Variants in KCNQ5 observed in about 807,000 individuals in gnomAD.
The protein encoded by KCNQ5 is potassium voltage-gated channel subfamily KQT member 5.
Under a neutral mutation model 98.2 loss-of-function variants are expected in KCNQ5, and 30 were observed. The ratio of observed to expected loss-of-function variants is 0.31; its 90% confidence interval spans 0.23 to 0.41. The LOEUF is 0.41. Ranked by LOEUF, KCNQ5 falls within the 10% of genes least tolerant of loss-of-function variation. The pLI is 1.00. For missense variants in KCNQ5, 835 were observed against 1,182.5 expected (o/e 0.71, Z 4.31); for synonymous variants, 458 against 449.4 (o/e 1.02, Z -0.24).
rs117913117 is a variant in KCNQ5 at position 73,191,710 on chromosome 6, G to A, written c.1710-855G>A. On this transcript the variant is annotated intron_variant, in intron 12 of 13. Transcript: ENST00000370398. ...CAGGTAATTATTGAGCCCATCATGT[G>A]TGCCAGGACCTGTGGACATCCAGAG... Among the ~76,000 whole-genome samples, 157 of 152,266 alleles carry A rather than the reference G, an allele frequency of 1.0e-3. 1 individual carries two copies. Among genetic ancestry groups the A allele is most frequent in the Non-Finnish European group, 1.4e-3 (96 of 68,016 alleles).
intron 2 of KCNQ5, among the ~76,000 whole-genome samples, chr6:73,026,729 A>G (rs1770906797): frequency 1.3e-5 from 2 of 152,128 alleles, no homozygotes; most frequent in African/African-American, 2.4e-5. Flanking sequence ...GGCTTATTTT[A>G]TTTAACAGAG....
chr6:72,839,241 A>C (rs1776677277), intron 1 of KCNQ5, among the ~76,000 whole-genome samples: 1 of 152,180 alleles, frequency 6.6e-6, no homozygotes, highest in Non-Finnish European at 1.5e-5. Context: ...TTTGCTTGGA[A>C]ATTGTCTTGG....
chr6:72,980,684 G>T (rs564936682), intron 1 of KCNQ5, among the ~76,000 whole-genome samples: 10 of 152,088 alleles, frequency 6.6e-5, no homozygotes, highest in Admixed American at 3.3e-4. Flanking sequence ...TTGCCTGATT[G>T]CCCTGGCCAG....
intron 2 of KCNQ5, among the ~76,000 whole-genome samples, chr6:73,041,437 C>T (rs575435963): frequency 1.8e-4 from 27 of 152,248 alleles, no homozygotes; most frequent in African/African-American, 2.2e-4. Context: ...GACACTGTAA[C>T]GAAAGAATTC....
At chr6:73,121,666 T>A (rs4084853) in intron 8 of KCNQ5, among the ~76,000 whole-genome samples, 3 of 152,194 alleles carry the variant, frequency 2.0e-5, no homozygotes, top group Admixed American at 6.5e-5. Flanking sequence ...CCACCTGTTC[T>A]TACTGATCTT....
chr6:72,853,937 T>C (rs1469093724), intron 1 of KCNQ5, among the ~76,000 whole-genome samples: 1 of 152,200 alleles, frequency 6.6e-6, no homozygotes, highest in East Asian at 1.9e-4. Context: ...CTTAAAGGTA[T>C]ATTTATGACT....
rs772060434 is a variant in KCNQ5, at chr6:73,179,534, G to A, written c.1577+9680G>A. Among the ~76,000 whole-genome samples the A allele has an allele frequency of 5.3e-5, 8 of 152,044 alleles. No individual in the cohort carries two copies. In the South Asian group the frequency reaches 6.2e-4, roughly 12 times the overall value. On this transcript the variant is annotated intron_variant, in intron 11 of 13. Coordinates refer to ENST00000370398, the MANE Select transcript of KCNQ5 (RefSeq NM_019842.4). Reference sequence around the variant, plus strand: ...GGCATAAAATTTCAACATGAATTTCGGAGGGGGCATTCAAACCATAACAGA... The same window carrying A: ...GGCATAAAATTTCAACATGAATTTCAGAGGGGGCATTCAAACCATAACAGA...
intron 11 of KCNQ5, among the ~76,000 whole-genome samples, chr6:73,174,312 C>G (rs1416048127): frequency 6.6e-6 from 1 of 152,132 alleles, no homozygotes; most frequent in Non-Finnish European, 1.5e-5. Context: ...TGTCAGTTGT[C>G]AAGAACTGAA....
intron 1 of KCNQ5, among the ~76,000 whole-genome samples, chr6:72,957,577 CT>C (rs1767143832): frequency 6.6e-6 from 1 of 152,168 alleles, no homozygotes; most frequent in Non-Finnish European, 1.5e-5. Context: ...AAATACGCCC[CT>C]GATGATTCTA....
At chr6:72,857,315 G>T (rs375169286) in intron 1 of KCNQ5, among the ~76,000 whole-genome samples, 2 of 151,800 alleles carry the variant, frequency 1.3e-5, no homozygotes, top group Non-Finnish European at 2.9e-5. Flanking sequence ...GGCAATGAGA[G>T]AATTTTTAAT....
chr6:73,088,023 C>CTTTT lies in KCNQ5; in HGVS notation c.918+10148_918+10151dup, dbSNP rs35354592. On this transcript the variant is annotated intron_variant, in intron 5 of 13. Coordinates refer to ENST00000370398, the MANE Select transcript of KCNQ5 (RefSeq NM_019842.4). ...TTGTTTTCTTTTTCTCTCTCTCTCTCTTTTTTTTTTTTTTTCCAGATGGAG... is the reference window on the plus strand; with the variant it reads ...TTGTTTTCTTTTTCTCTCTCTCTCTCTTTTTTTTTTTTTTTTTTTCCAGATGGAG... Among the ~76,000 whole-genome samples, 19 of 133,358 alleles carry CTTTT rather than the reference C, an allele frequency of 1.4e-4. 1 individual carries two copies. Among genetic ancestry groups the CTTTT allele is most frequent in the Non-Finnish European group, 1.9e-4 (12 of 64,532 alleles). The allele number at this position is 133,358 out of a possible 152,430, so 87.5% of individuals were successfully genotyped here.
At chr6:73,077,688 A>G (rs1440396894) in intron 4 of KCNQ5, 74 bp from the exon 5 acceptor site, 56 of 1,402,388 alleles carry the variant, frequency 4.0e-5, no homozygotes, top group Non-Finnish European at 5.3e-5. Flanking sequence ...AGTGAATAGA[A>G]TCCTCATAGA....
intron 1 of KCNQ5, among the ~76,000 whole-genome samples, chr6:72,732,524 G>T (rs938796099): frequency 5.3e-5 from 8 of 152,178 alleles, no homozygotes; most frequent in Admixed American, 5.2e-4. Flanking sequence ...CAAGGGCTTT[G>T]CCCACTCTTA....
chr6:72,858,902 G>C (rs924964375), intron 1 of KCNQ5, among the ~76,000 whole-genome samples: 1 of 152,090 alleles, frequency 6.6e-6, no homozygotes, highest in African/African-American at 2.4e-5. Flanking sequence ...TGGTTTCTTG[G>C]TTTTGATGAA....
At chr6:72,749,055 C>T (rs1387540749) in intron 1 of KCNQ5, among the ~76,000 whole-genome samples, 1 of 152,144 alleles carries the variant, frequency 6.6e-6, no homozygotes, top group Non-Finnish European at 1.5e-5. Flanking sequence ...GGGGAGTTAA[C>T]TCTTGGATTC....
Position 72,822,610 on chromosome 6 carries a change from A to C in KCNQ5, c.399-181298A>C, listed in dbSNP as rs527429376. Among the ~76,000 whole-genome samples, 4 of 152,252 alleles carry C rather than the reference A, an allele frequency of 2.6e-5. No individual in the cohort carries two copies. In the South Asian group the frequency reaches 8.3e-4, roughly 32 times the overall value. On this transcript the variant is annotated intron_variant, in intron 1 of 13. Coordinates refer to ENST00000370398, the MANE Select transcript of KCNQ5 (RefSeq NM_019842.4). ...TTCTGTCTCTTTGTTTTTTTCTTAA[A>C]TAATAAGTTTTATCTTCTGTCCATT...
intron 10 of KCNQ5, among the ~76,000 whole-genome samples, chr6:73,139,365 G>A (rs1776614544): frequency 6.6e-6 from 1 of 152,212 alleles, no homozygotes; most frequent in Non-Finnish European, 1.5e-5. Context: ...AGTGTGGGGG[G>A]AAGTAGCTGG....
chr6:72,837,403 A>T (rs998028145), intron 1 of KCNQ5, among the ~76,000 whole-genome samples: 1 of 152,174 alleles, frequency 6.6e-6, no homozygotes, highest in Non-Finnish European at 1.5e-5. Flanking sequence ...AATCCAGATA[A>T]TTGTTTCTTA....
intron 3 of KCNQ5, among the ~76,000 whole-genome samples, chr6:73,058,041 T>G (rs560421727): frequency 6.6e-6 from 1 of 152,326 alleles, no homozygotes; most frequent in Admixed American, 6.5e-5. Flanking sequence ...GCTAGCCATA[T>G]GCAGAAGATT....
Sources: allele counts gnomAD v4.1 joint callset (sites outside exome capture counted in the v4.1 genomes callset), GRCh38; gene constraint gnomAD v4.1.1; transcripts MANE v1.5; gene names NCBI Gene and HGNC (gene_info 2026-07-23, HGNC 2026-07-21).